Variants in KIAA1217 observed in about 807,000 individuals in gnomAD.
KIAA1217 encodes sickle tail protein homolog.
KIAA1217 carries 88 observed loss-of-function variants against 163.9 expected under a neutral mutation model. The observed-to-expected ratio is 0.54, with a 90% CI of 0.45 to 0.64. The LOEUF (loss-of-function observed/expected upper bound fraction) is 0.64. KIAA1217 is among the 30% of genes least tolerant of loss of function. The pLI, the probability that KIAA1217 is intolerant of heterozygous loss-of-function variation, is 0.00. For synonymous variants in KIAA1217, 903 were observed against 923.1 expected, an observed-to-expected ratio of 0.98 and a Z score of 0.39; for missense variants, 2,372 against 2,475.0, an observed-to-expected ratio of 0.96 and a Z score of 0.88.
chr10:24,047,605 C>T (rs777249454), intron 2 of KIAA1217, among the ~76,000 whole-genome samples: 10 of 152,094 alleles, frequency 6.6e-5, no homozygotes, highest in Non-Finnish European at 1.3e-4. Flanking sequence ...GTACCCATAC[C>T]AGGAAAACTC....
chr10:24,095,106 G>A (rs964773470), intron 2 of KIAA1217, among the ~76,000 whole-genome samples: 1 of 152,160 alleles, frequency 6.6e-6, no homozygotes, highest in African/African-American at 2.4e-5. Flanking sequence ...TATTCACGTG[G>A]GAGTGGCCCG....
At chr10:24,120,976 TC>T (rs2063260395) in intron 2 of KIAA1217, among the ~76,000 whole-genome samples, 1 of 152,246 alleles carries the variant, frequency 6.6e-6, no homozygotes, top group African/African-American at 2.4e-5. Flanking sequence ...CATTAAATCC[TC>T]CTTACTTTAC....
At chr10:23,919,606 TAA>T (rs66850484) in intron 1 of KIAA1217, among the ~76,000 whole-genome samples, 7,661 of 76,478 alleles carry the variant, frequency 0.1, 509 homozygotes, top group African/African-American at 0.25. Context: ...ACTCCTTCTC[TAA>T]AAAAAAAAAA....
At chr10:23,985,027 G>A (rs1845915107) in intron 1 of KIAA1217, among the ~76,000 whole-genome samples, 1 of 151,886 alleles carries the variant, frequency 6.6e-6, no homozygotes, top group Admixed American at 6.6e-5. Flanking sequence ...GCTCTCTATA[G>A]ACTAAAAGAA....
intron 2 of KIAA1217, among the ~76,000 whole-genome samples, chr10:24,133,187 G>A (rs868753331): frequency 3.3e-5 from 5 of 152,192 alleles, no homozygotes; most frequent in South Asian, 4.2e-4. Flanking sequence ...AGAATGAAAA[G>A]AGTAGGAGAA....
intron 2 of KIAA1217, among the ~76,000 whole-genome samples, chr10:24,105,091 T>C (rs1223245265): frequency 6.7e-6 from 1 of 150,340 alleles, no homozygotes. Context: ...ATGATGATGA[T>C]GAATACTTAA....
intron 1 of KIAA1217, among the ~76,000 whole-genome samples, chr10:23,753,424 G>C (rs1323859800): frequency 6.6e-6 from 1 of 152,190 alleles, no homozygotes; most frequent in Non-Finnish European, 1.5e-5. Context: ...ACATTTGCTT[G>C]TGAACATAGT....
chr10:24,485,001 C>G (rs2065202120), intron 6 of KIAA1217, among the ~76,000 whole-genome samples: 1 of 151,922 alleles, frequency 6.6e-6, no homozygotes, highest in Non-Finnish European at 1.5e-5. Flanking sequence ...GGGCAGAGCA[C>G]TGCTAGAACC....
chr10:24,064,234 G>C (rs11013873), intron 2 of KIAA1217, among the ~76,000 whole-genome samples: 1 of 151,856 alleles, frequency 6.6e-6, no homozygotes, highest in African/African-American at 2.4e-5. Context: ...TTCAAAGGGA[G>C]TGCTTCTAGT....
chr10:24,251,903 T>C (rs2074593233), intron 2 of KIAA1217, among the ~76,000 whole-genome samples: 1 of 148,926 alleles, frequency 6.7e-6, no homozygotes, highest in East Asian at 2.0e-4. Context: ...TAAGAATTCC[T>C]GCCCAGCAAG....
At chr10:24,213,159 A>T (rs1035595173) in intron 1 of KIAA1217, among the ~76,000 whole-genome samples, 2 of 152,210 alleles carry the variant, frequency 1.3e-5, no homozygotes, top group Non-Finnish European at 2.9e-5. Flanking sequence ...GGTAAATAAC[A>T]ATGGGGAAGT....
At chr10:23,849,835 C>T (rs1374560016) in intron 1 of KIAA1217, among the ~76,000 whole-genome samples, 1 of 151,982 alleles carries the variant, frequency 6.6e-6, no homozygotes, top group Non-Finnish European at 1.5e-5. Flanking sequence ...CCATGTTCTC[C>T]CAATGTGACC....
chr10:23,969,133 C>T (rs1845194262), intron 1 of KIAA1217, among the ~76,000 whole-genome samples: 1 of 152,168 alleles, frequency 6.6e-6, no homozygotes, highest in Non-Finnish European at 1.5e-5. Context: ...CTCCCAGGTT[C>T]AAGCGATTCC....
chr10:24,309,669 G>A (rs1472278566), intron 2 of KIAA1217, among the ~76,000 whole-genome samples: 2 of 152,166 alleles, frequency 1.3e-5, no homozygotes, highest in Admixed American at 6.5e-5. Flanking sequence ...CACATAGTGT[G>A]TGATCCTGAG....
intron 1 of KIAA1217, among the ~76,000 whole-genome samples, chr10:23,732,510 T>C (rs1838531517): frequency 1.3e-5 from 2 of 152,130 alleles, no homozygotes; most frequent in Non-Finnish European, 2.9e-5. Context: ...GGAGGATGTG[T>C]GCTATTAGTA....
At chr10:24,006,436 C>G in intron 1 of KIAA1217, among the ~76,000 whole-genome samples, 1 of 152,126 alleles carries the variant, frequency 6.6e-6, no homozygotes, top group East Asian at 1.9e-4. Context: ...CTGTTTTAAC[C>G]AGTTGCCTTA....
chr10:23,908,487 G>A (rs1842277896), intron 1 of KIAA1217, among the ~76,000 whole-genome samples: 1 of 151,854 alleles, frequency 6.6e-6, no homozygotes, highest in Non-Finnish European at 1.5e-5. Flanking sequence ...CACCCCTTAG[G>A]TGTTCGCATG....
chr10:24,218,090 G>A (rs4394738), intron 1 of KIAA1217, among the ~76,000 whole-genome samples: 6,115 of 152,184 alleles, frequency 0.04, 408 homozygotes, highest in African/African-American at 0.14. Context: ...ACTGTTCTTC[G>A]TGAAGAGCCT....
intron 1 of KIAA1217, among the ~76,000 whole-genome samples, chr10:23,949,104 C>T (rs1450283006): frequency 6.6e-6 from 1 of 152,172 alleles, no homozygotes; most frequent in Non-Finnish European, 1.5e-5. Flanking sequence ...TCCTTACTGA[C>T]CTTTCACCTT....
Sources: allele counts gnomAD v4.1 joint callset (sites outside exome capture counted in the v4.1 genomes callset), GRCh38; gene constraint gnomAD v4.1.1; transcripts MANE v1.5; gene names NCBI Gene and HGNC (gene_info 2026-07-23, HGNC 2026-07-21).